PLEC: variants seen among roughly 807,000 people sequenced by gnomAD.
PLEC encodes the protein hemidesmosomal protein 1.
Under a neutral mutation model 392.8 loss-of-function variants are expected in PLEC, and 216 were observed. That is an observed-to-expected ratio of 0.55 (90% CI 0.49 to 0.62). The LOEUF is 0.62. Among genes scored for constraint, PLEC ranks in the 20% least tolerant of loss-of-function variants. The probability of loss-of-function intolerance (pLI) is 0.00; values close to 1 mark genes in which losing one functional copy is unlikely to be tolerated. For missense variants in PLEC, 6,863 were observed against 6,563.4 expected (o/e 1.05, Z -1.58); for synonymous variants, 3,621 against 2,980.6 (o/e 1.21, Z -7.00).
chr8:143,917,117 A>G lies in PLEC; in HGVS notation c.12704T>C (p.Met4235Thr). ...GTLSITEFAD[M>T]LSGNAGGFRS... ...GAAACCACCGGCGTTGCCCGAGAGC[A>G]TGTCGGCGAACTCGGTGATGGAGAG... Residue 4235 changes from methionine (M) to threonine (T), a missense_variant, in exon 32 of 32, where the codon ATG becomes ACG. Coordinates refer to ENST00000345136, the MANE Select transcript of PLEC (RefSeq NM_201384.3). 6.2e-7 allele frequency: 1 copy of G among 1,604,448 alleles called. No individual in the cohort carries two copies. The highest frequency in any genetic ancestry group is 1.1e-5 in the South Asian group (1 of 90,978).
chr8:143,934,395 C>T lies in PLEC; in HGVS notation c.1092G>A (p.Leu364=), dbSNP rs781871234. Residue 364 remains leucine, a synonymous_variant, in exon 11 of 32, where the codon CTG becomes CTA. Transcript: ENST00000345136. ...GCTTGCCCCACTCCTTCTCCACATC[C>T]AGCGGGTGGTAGCCAGGGGGCACCT... The part of the protein sequence containing the change: ...QLKVPPGYHP[L]DVEKEWGKLH... 5 of 1,612,456 alleles carry T rather than the reference C, an allele frequency of 3.1e-6. No individual in the cohort carries two copies. The highest frequency in any genetic ancestry group is 4.5e-5 in the East Asian group (2 of 44,884).
rs1161412273 is a variant in PLEC, at chr8:143,918,229, G to A, written c.11592C>T (p.Cys3864=). 1.3e-6 allele frequency: 2 copies of A among 1,583,202 alleles called. No individual in the cohort carries two copies. Among genetic ancestry groups the A allele is most frequent in the African/African-American group, 2.7e-5 (2 of 74,320 alleles). Residue 3864 remains cysteine, a synonymous_variant, in exon 32 of 32, where the codon TGC becomes TGT. Coordinates refer to ENST00000345136, the MANE Select transcript of PLEC (RefSeq NM_201384.3). ...RLSYTQLLRR[C]RRDDGTGQLL... ...GCTGGCCGGTGCCGTCGTCACGACG[G>A]CACCGCCTGAGCAGCTGCGTGTAGC...
At chr8:143,928,366 C>A (rs1187340220) in intron 25 of PLEC, among the ~76,000 whole-genome samples, 1 of 152,262 alleles carries the variant, frequency 6.6e-6, no homozygotes, top group Non-Finnish European at 1.5e-5. Flanking sequence ...AAGGGGACAC[C>A]GGGGTGGAAA....
At position 143,935,838 on chromosome 8, in the gene PLEC, G is replaced by C; in HGVS notation, c.602+10C>G. On this transcript the variant is annotated intron_variant, in intron 6 of 31. Coordinates refer to ENST00000345136, the MANE Select transcript of PLEC (RefSeq NM_201384.3). ...CCAGCCCACAGCCCCCTGCCCCCGG[G>C]GCCATGTACTTGTGCCGGTGGATGA... The C allele has an allele frequency of 5.6e-6, 9 of 1,612,656 alleles. No individual in the cohort carries two copies. Among genetic ancestry groups the C allele is most frequent in the Non-Finnish European group, 7.6e-6 (9 of 1,179,892 alleles).
Position 143,932,704 on chromosome 8 carries a change from G to C in PLEC, c.1746C>G (p.Leu582=). 1 of 1,607,020 alleles carries C rather than the reference G, an allele frequency of 6.2e-7. No homozygotes were observed. Among genetic ancestry groups the C allele is most frequent in the Non-Finnish European group, 8.5e-7 (1 of 1,177,430 alleles). ...GGTAGGCACCCCGGGTGGCGGGGGAGAGCTGGCCCTGCAACAGATGAGACG... is the reference window on the plus strand; with the variant it reads ...GGTAGGCACCCCGGGTGGCGGGGGACAGCTGGCCCTGCAACAGATGAGACG... ...IERARSDEGQ[L]SPATRGAYRD... Residue 582 remains leucine (L), a synonymous_variant, in exon 15 of 32, where the codon CTC becomes CTG. Coordinates refer to ENST00000345136, the MANE Select transcript of PLEC (RefSeq NM_201384.3).
upstream of PLEC, among the ~76,000 whole-genome samples, chr8:143,941,550 TGG>T (rs1830454032): frequency 1.3e-5 from 2 of 152,048 alleles, no homozygotes; most frequent in South Asian, 4.1e-4. Context: ...CCAGGTGGGC[TGG>T]GGGCTCGGTC....
chr8:143,916,064 T>G lies in PLEC; in HGVS notation c.*113A>C. ...AATATATTAGTCTGGTCTTTTTGGT[T>G]AAACTTTAGGCACCACTTGGGAGGA... On this transcript the variant is annotated 3_prime_UTR_variant, in exon 32 of 32. Coordinates refer to ENST00000345136, the MANE Select transcript of PLEC (RefSeq NM_201384.3). 1.5e-6 allele frequency: 1 copy of G among 688,012 alleles called. No individual in the cohort carries two copies. Among genetic ancestry groups the G allele is most frequent in the Non-Finnish European group, 2.4e-6 (1 of 425,520 alleles). The allele number at this position is 688,012 out of a possible 1,614,324, so 42.6% of individuals were successfully genotyped here.
At chr8:143,963,241 G>A (rs1554741340) in intron 1 of PLEC, among the ~76,000 whole-genome samples, 2 of 152,192 alleles carry the variant, frequency 1.3e-5, no homozygotes, top group African/African-American at 2.4e-5. Flanking sequence ...GAGTCTACAG[G>A]CAAGAAACAG....
chr8:143,955,802 G>A (rs1334273722), upstream of PLEC, among the ~76,000 whole-genome samples: 1 of 151,784 alleles, frequency 6.6e-6, no homozygotes, highest in African/African-American at 2.4e-5. Context: ...CTGTCTCTGT[G>A]TTGCCCAGGC....
At chr8:143,953,461 C>CCGCCGT (rs1183220547), upstream of PLEC, among the ~76,000 whole-genome samples, 1 of 151,842 alleles carries the variant, frequency 6.6e-6, no homozygotes, top group African/African-American at 2.4e-5. Flanking sequence ...GCCGCCGCCG[C>CCGCCGT]CGCCGCCGCC....
At chr8:143,944,510 G>T, upstream of PLEC, 1 of 492,284 alleles carries the variant, frequency 2.0e-6, no homozygotes, top group Non-Finnish European at 3.5e-6. Context: ...GAGGGGGTCT[G>T]GGTGAGGGCA....
chr8:143,942,655 C>T (rs553027456), upstream of PLEC: 433 of 1,120,984 alleles, frequency 3.9e-4, 5 homozygotes, highest in South Asian at 5.4e-3. Flanking sequence ...ACAATCCGCC[C>T]ACTGCGGGAG....
rs373265918 is a variant in PLEC at position 143,916,580 on chromosome 8, C to T, written c.13241G>A (p.Arg4414His). 8.1e-5 allele frequency: 130 copies of T among 1,611,470 alleles called. 1 individual carries two copies. The highest frequency in any genetic ancestry group is 5.5e-4 in the South Asian group (50 of 91,056). The change falls in exon 32 of 32, where the codon CGC becomes CAC. Residue 4414 changes from arginine to histidine, a missense_variant. Transcript: ENST00000345136. ...TGCGGTGCGGGCGTCCACCGTGCCGCGCTGCAGGGCCTCGTCCAGGGGCAC... is the reference window on the plus strand; with the variant it reads ...TGCGGTGCGGGCGTCCACCGTGCCGTGCTGCAGGGCCTCGTCCAGGGGCAC... ...GRVPLDEALQ[R>H]GTVDARTAQK...
chr8:143,938,380 C>T, intron 2 of PLEC, 140 bp from the exon 3 acceptor site: 4 of 1,535,550 alleles, frequency 2.6e-6, no homozygotes, highest in Non-Finnish European at 3.5e-6. Flanking sequence ...GGAACACACC[C>T]TGCCCCACGG....
In PLEC at chr8:143,920,028, C is replaced by T; in HGVS notation, c.9793G>A (p.Glu3265Lys). ...ELISSEYFTAEQRQELLRQFR... is the reference protein window; with the variant it reads ...ELISSEYFTAKQRQELLRQFR... ...TGACGCAACAGCTCCTGCCGCTGCT[C>T]CGCAGTGAAGTACTCAGAGCTGATG... Residue 3265 changes from glutamate (E) to lysine (K), a missense_variant, in exon 32 of 32, where the codon GAG becomes AAG. Glu to Lys is a moderately conservative substitution (Grantham distance 56, BLOSUM62 1). Coordinates refer to ENST00000345136, the MANE Select transcript of PLEC (RefSeq NM_201384.3). 6.2e-7 allele frequency: 1 copy of T among 1,613,362 alleles called. No individual in the cohort carries two copies. The highest frequency in any genetic ancestry group is 8.5e-7 in the Non-Finnish European group (1 of 1,180,030).
rs782281123 is a variant in PLEC at position 143,920,283 on chromosome 8, C to T, written c.9538G>A (p.Ala3180Thr). ...ALSAPRADAKAYSDPSTGEPA... is the reference protein window; with the variant it reads ...ALSAPRADAKTYSDPSTGEPA... ...TCCCCTGTGCTGGGGTCACTGTAGG[C>T]CTTGGCGTCGGCCCTTGGTGCCGAC... Residue 3180 changes from alanine (A) to threonine (T), a missense_variant, in exon 32 of 32, where the codon GCC (alanine) becomes ACC (threonine). By Grantham distance (58) the Ala-to-Thr change is moderately conservative. Transcript: ENST00000345136. 3.8e-6 allele frequency: 6 copies of T among 1,593,164 alleles called. No homozygotes were observed. The highest frequency in any genetic ancestry group is 5.1e-6 in the Non-Finnish European group (6 of 1,175,874).
rs375886231 is a variant in PLEC at position 143,918,217 on chromosome 8, G to A, written c.11604C>T (p.Asp3868=). The A allele has an allele frequency of 3.7e-5, 59 of 1,578,294 alleles. No homozygotes were observed. The highest frequency in any genetic ancestry group is 3.5e-4 in the Admixed American group (20 of 56,956). ...TQLLRRCRRD[D]GTGQLLLPLS... ...GTGGCAGGAGCAGCTGGCCGGTGCC[G>A]TCGTCACGACGGCACCGCCTGAGCA... Residue 3868 remains aspartate, a synonymous_variant, in exon 32 of 32, where the codon GAC becomes GAT. Transcript: ENST00000345136.
rs374761528 is a variant in PLEC, at chr8:143,935,835, C to T, written c.602+13G>A. On this transcript the variant is annotated intron_variant, in intron 6 of 31. Coordinates refer to ENST00000345136, the MANE Select transcript of PLEC (RefSeq NM_201384.3). Reference sequence around the variant, plus strand: ...CCCCCAGCCCACAGCCCCCTGCCCCCGGGGCCATGTACTTGTGCCGGTGGA... The same window carrying T: ...CCCCCAGCCCACAGCCCCCTGCCCCTGGGGCCATGTACTTGTGCCGGTGGA... 1.8e-5 allele frequency: 29 copies of T among 1,612,312 alleles called. No homozygotes were observed. In the Middle Eastern group the frequency reaches 4.9e-4, roughly 27 times the overall value.
rs782307503 is a variant in PLEC at position 143,918,125 on chromosome 8, C to T, written c.11696G>A (p.Arg3899His). 8.8e-6 allele frequency: 14 copies of T among 1,598,720 alleles called. No individual in the cohort carries two copies. Among genetic ancestry groups the T allele is most frequent in the South Asian group, 4.4e-5 (4 of 90,630 alleles). ...RKQITMEELV[R>H]SQVMDEATAL... ...CGTGGCCTCGTCCATGACCTGCGAGCGCACCAGCTCCTCCATGGTGATCTG... is the reference window on the plus strand; with the variant it reads ...CGTGGCCTCGTCCATGACCTGCGAGTGCACCAGCTCCTCCATGGTGATCTG... The change falls in exon 32 of 32, where the codon CGC (arginine) becomes CAC (histidine). Residue 3899 changes from arginine to histidine, a missense_variant. Arg to His is a conservative substitution (Grantham distance 29, BLOSUM62 0). Coordinates refer to ENST00000345136, the MANE Select transcript of PLEC (RefSeq NM_201384.3).
Sources: allele counts gnomAD v4.1 joint callset (sites outside exome capture counted in the v4.1 genomes callset), GRCh38; gene constraint gnomAD v4.1.1; transcripts MANE v1.5; gene names NCBI Gene and HGNC (gene_info 2026-07-23, HGNC 2026-07-21).